The following PDE1C variants were observed in gnomAD, a reference collection of about 807,000 sequenced individuals.
PDE1C encodes phosphodiesterase 1C.
A neutral mutation model predicts 93.1 loss-of-function variants in PDE1C; 62 were observed. That is an observed-to-expected ratio of 0.67 (90% CI 0.54 to 0.82). PDE1C has a LOEUF of 0.82. Among genes scored for constraint, PDE1C ranks in the 40% least tolerant of loss-of-function variants. PDE1C has a pLI of 0.00. For missense variants in PDE1C, 742 were observed against 884.6 expected (o/e 0.84, Z 2.04); for synonymous variants, 325 against 310.1 (o/e 1.05, Z -0.50).
intron 2 of PDE1C, among the ~76,000 whole-genome samples, chr7:31,956,458 A>C (rs543500203): frequency 3.5e-4 from 52 of 150,108 alleles, no homozygotes; most frequent in African/African-American, 1.2e-3. Context: ...CTTCTGACTC[A>C]TCTATTTCTT....
intron 16 of PDE1C, among the ~76,000 whole-genome samples, chr7:31,796,408 T>G (rs1785317258): frequency 6.6e-6 from 1 of 151,692 alleles, no homozygotes; most frequent in Non-Finnish European, 1.5e-5. Context: ...GGTAGTCACC[T>G]GCCATCTTGT....
intron 3 of PDE1C, among the ~76,000 whole-genome samples, chr7:32,159,677 G>A (rs1351090211): frequency 2.0e-5 from 3 of 152,134 alleles, no homozygotes; most frequent in African/African-American, 7.2e-5. Context: ...AGGCAGAGGT[G>A]CAGCTTTTCT....
At chr7:31,832,423 G>A (rs1790535720) in intron 11 of PDE1C, among the ~76,000 whole-genome samples, 1 of 152,162 alleles carries the variant, frequency 6.6e-6, no homozygotes, top group Non-Finnish European at 1.5e-5. Context: ...AACTGAAGAT[G>A]TAACTTACTC....
chr7:31,691,642 C>T, the PDE1C span, among the ~76,000 whole-genome samples: 12 of 151,742 alleles, frequency 7.9e-5, no homozygotes, highest in South Asian at 4.2e-4. Context: ...AGGGTGGGGA[C>T]GGGGACAGAT....
At chr7:31,877,146 C>T (rs1796696167) in intron 5 of PDE1C, among the ~76,000 whole-genome samples, 1 of 152,178 alleles carries the variant, frequency 6.6e-6, no homozygotes, top group Non-Finnish European at 1.5e-5. Context: ...ACATAGACAA[C>T]ATGTGATGTC....
intron 2 of PDE1C, among the ~76,000 whole-genome samples, chr7:31,940,423 G>C (rs567537692): frequency 6.6e-6 from 1 of 152,176 alleles, no homozygotes; most frequent in Non-Finnish European, 1.5e-5. Flanking sequence ...TTCTCTGCAA[G>C]GTAGAGTTCA....
chr7:31,899,870 C>T (rs1799763223), intron 2 of PDE1C, among the ~76,000 whole-genome samples: 1 of 152,058 alleles, frequency 6.6e-6, no homozygotes, highest in Non-Finnish European at 1.5e-5. Flanking sequence ...TGTCCCCCAC[C>T]GGAAATTAGC....
rs563103833 is a variant in PDE1C, at chr7:31,787,005, A to G, written c.1892-11273T>C. 11 of 152,154 alleles carry G rather than the reference A, an allele frequency of 7.2e-5. No individual in the cohort carries two copies. The East Asian group carries it at 2.1e-3, about 29-fold the overall frequency. The allele number at this position is 152,154 out of a possible 1,614,324, so 9.4% of individuals were successfully genotyped here. A position where few individuals can be genotyped will look rare whatever the true frequency, so the allele number is the denominator to read the frequency against. On this transcript the variant is annotated intron_variant, in intron 16 of 17. Transcript: ENST00000396191. ...CTACCTACCTATCTAAGGAAAAGTGACCCATGAGAGAAGTGATATTAAAAT... is the reference window on the plus strand; with the variant it reads ...CTACCTACCTATCTAAGGAAAAGTGGCCCATGAGAGAAGTGATATTAAAAT...
At chr7:32,334,515 G>A (rs998623170) in intron 1 of PDE1C, among the ~76,000 whole-genome samples, 2 of 152,008 alleles carry the variant, frequency 1.3e-5, no homozygotes, top group Admixed American at 1.3e-4. Flanking sequence ...TGCTTTGTGA[G>A]GTTTTGGTGT....
chr7:32,383,837 C>T (rs1367691192), intron 1 of PDE1C, among the ~76,000 whole-genome samples: 3 of 152,202 alleles, frequency 2.0e-5, no homozygotes, highest in Non-Finnish European at 4.4e-5. Flanking sequence ...TTGGAGTCCG[C>T]TCCAACTCTT....
At chr7:32,250,399 AC>A (rs1476067236) in intron 1 of PDE1C, among the ~76,000 whole-genome samples, 1 of 152,184 alleles carries the variant, frequency 6.6e-6, no homozygotes, top group Non-Finnish European at 1.5e-5. Flanking sequence ...CATCAGAATC[AC>A]CTGGGGAGGG....
chr7:32,225,269 A>ATTGGTTT (rs1477747022), intron 1 of PDE1C, among the ~76,000 whole-genome samples: 1 of 151,950 alleles, frequency 6.6e-6, no homozygotes, highest in Non-Finnish European at 1.5e-5. Flanking sequence ...GACGCACCTG[A>ATTGGTTT]TTGGTTTTTC....
chr7:31,738,310 G>A, the PDE1C span, among the ~76,000 whole-genome samples: 6 of 152,304 alleles, frequency 3.9e-5, no homozygotes, highest in South Asian at 4.2e-4. Flanking sequence ...TCACAGTTCC[G>A]CATGGGTGGG....
chr7:31,837,334 C>T (rs757340969), intron 10 of PDE1C, 34 bp from the exon 11 acceptor site: 1 of 1,570,954 alleles, frequency 6.4e-7, no homozygotes, highest in Admixed American at 1.8e-5. Context: ...ACATGATAAC[C>T]ACACTCTTCA....
At chr7:31,893,500 CA>C (rs1798899470) in intron 2 of PDE1C, 1 of 984,552 alleles carries the variant, frequency 1.0e-6, no homozygotes, top group African/African-American at 1.7e-5. Flanking sequence ...TCTCACTTGC[CA>C]GCACCACCTC....
rs191190520 is a variant in PDE1C at position 32,105,654 on chromosome 7, C to A, written c.308+64131G>T. Among the ~76,000 whole-genome samples, 224 of 151,722 alleles carry A rather than the reference C, an allele frequency of 1.5e-3. 1 individual carries two copies. The highest frequency in any genetic ancestry group is 4.7e-3 in the African/African-American group (195 of 41,362). ...CTAAACTCAATCCATCCTCCCTCTT[C>A]ATCCTCCCAAGCAGCTGGGACTACA... On this transcript the variant is annotated intron_variant, in intron 3 of 18. Coordinates refer to the PDE1C transcript ENST00000396193.
intron 2 of PDE1C, among the ~76,000 whole-genome samples, chr7:31,928,643 A>T (rs112719184): frequency 6.6e-6 from 1 of 152,300 alleles, no homozygotes; most frequent in African/African-American, 2.4e-5. Context: ...ATTCTTAAAG[A>T]AAAGAATTTT....
chr7:31,896,003 A>C (rs1223360526), intron 2 of PDE1C, among the ~76,000 whole-genome samples: 2 of 151,600 alleles, frequency 1.3e-5, no homozygotes, highest in African/African-American at 4.9e-5. Flanking sequence ...ACATACATAC[A>C]TACATACATA....
intron 3 of PDE1C, among the ~76,000 whole-genome samples, chr7:32,090,605 T>C (rs1797418937): frequency 1.3e-5 from 2 of 152,178 alleles, no homozygotes; most frequent in Non-Finnish European, 1.5e-5. Flanking sequence ...ATAATGGAGT[T>C]TGGGAAAGGA....
Sources: gnomAD v4.1 joint callset for allele counts (sites outside exome capture counted in the v4.1 genomes callset) on GRCh38, gnomAD v4.1.1 for gene constraint, MANE v1.5 for transcripts, NCBI Gene and HGNC (gene_info 2026-07-23, HGNC 2026-07-21) for gene names.